Variants in SRFBP1 observed in about 807,000 individuals in gnomAD.
The protein encoded by SRFBP1 is serum response factor-binding protein 1.
Under a neutral mutation model 45.5 loss-of-function variants are expected in SRFBP1, and 47 were observed. The observed-to-expected ratio is 1.03, with a 90% CI of 0.82 to 1.32. The LOEUF is 1.32. SRFBP1 is among the 40% of genes most tolerant of loss of function. The probability of loss-of-function intolerance (pLI) is 0.00; values close to 1 mark genes in which losing one functional copy is unlikely to be tolerated. For missense variants in SRFBP1, 621 were observed against 484.6 expected (o/e 1.28, Z -2.64); for synonymous variants, 203 against 166.3 (o/e 1.22, Z -1.70).
At chr5:122,046,528 G>A (rs1437528115) in intron 2 of SRFBP1, among the ~76,000 whole-genome samples, 2 of 152,126 alleles carry the variant, frequency 1.3e-5, no homozygotes, top group East Asian at 3.9e-4. Context: ...TGTCTTTATA[G>A]CAGCATGATT....
At chr5:122,051,371 A>C (rs1234615295) in intron 2 of SRFBP1, among the ~76,000 whole-genome samples, 2 of 151,890 alleles carry the variant, frequency 1.3e-5, no homozygotes, top group Non-Finnish European at 2.9e-5. Context: ...GTCTCCCACT[A>C]CTATTGTTTG....
chr5:122,001,615 G>A (rs1347968662), intron 4 of SRFBP1, among the ~76,000 whole-genome samples: 1 of 131,510 alleles, frequency 7.6e-6, no homozygotes, highest in South Asian at 2.4e-4. Context: ...ACTGCGGATT[G>A]CAGTGGCGCA....
chr5:122,066,754 A>T, intron 2 of SRFBP1: 1 of 1,587,390 alleles, frequency 6.3e-7, no homozygotes, highest in Non-Finnish European at 8.6e-7. Flanking sequence ...TAATACCTAG[A>T]TTAAGAAGAC....
intron 2 of SRFBP1, among the ~76,000 whole-genome samples, chr5:122,042,525 T>TA (rs1753788244): frequency 6.6e-6 from 1 of 152,244 alleles, no homozygotes. Context: ...GTGCTGGAAT[T>TA]ACAGGCATGA....
At chr5:122,069,633 T>C (rs74821849) in intron 2 of SRFBP1, among the ~76,000 whole-genome samples, 1,708 of 152,244 alleles carry the variant, frequency 0.011, 19 homozygotes, top group Non-Finnish European at 0.018. Context: ...AACTCTTCAG[T>C]TGCTTACTTT....
Position 122,020,637 on chromosome 5 carries a change from A to G in SRFBP1, c.902A>G (p.His301Arg). 1 of 1,614,040 alleles carries G rather than the reference A, an allele frequency of 6.2e-7. No individual in the cohort carries two copies. The highest frequency in any genetic ancestry group is 8.5e-7 in the Non-Finnish European group (1 of 1,179,970). Reference sequence around the variant, plus strand: ...ACACGAAAGAAGGAAAGTAGTTGTCATTCTTCAGTTAAGGAACAAAAACCA... The same window carrying G: ...ACACGAAAGAAGGAAAGTAGTTGTCGTTCTTCAGTTAAGGAACAAAAACCA... ...RRTRKKESSC[H>R]SSVKEQKPLE... The change falls in exon 6 of 8, where the codon CAT becomes CGT. Residue 301 changes from histidine to arginine, a missense_variant. By Grantham distance (29) the His-to-Arg change is conservative (BLOSUM62 0). Transcript: ENST00000339397.
intron 2 of SRFBP1, among the ~76,000 whole-genome samples, chr5:122,052,572 T>A (rs1003569918): frequency 1.3e-5 from 2 of 152,240 alleles, no homozygotes; most frequent in African/African-American, 4.8e-5. Context: ...TATGCAATTC[T>A]TGCAGTGTGT....
intron 3 of SRFBP1, among the ~76,000 whole-genome samples, chr5:121,982,469 G>A (rs143251963): frequency 6.6e-6 from 1 of 151,882 alleles, no homozygotes; most frequent in Admixed American, 6.6e-5. Context: ...TTAATATATA[G>A]GAGTCATGAT....
At position 121,994,736 on chromosome 5, in the gene SRFBP1, T is replaced by C. The variant is rs541710299; in HGVS notation, c.270+66T>C. 3 of 1,099,444 alleles carry C rather than the reference T, an allele frequency of 2.7e-6. No individual in the cohort carries two copies. In the Admixed American group the frequency reaches 8.1e-5, roughly 30 times the overall value. The allele number at this position is 1,099,444 out of a possible 1,614,324, so 68.1% of individuals were successfully genotyped here. Reference sequence around the variant, plus strand: ...CTCATCTATATTGCTTACTTTTTTCTTGAAGAGAAAACTTACCAAGAAGTC... The same window carrying C: ...CTCATCTATATTGCTTACTTTTTTCCTGAAGAGAAAACTTACCAAGAAGTC... On this transcript the variant is annotated intron_variant, in intron 4 of 7. Coordinates refer to ENST00000339397, the MANE Select transcript of SRFBP1 (RefSeq NM_152546.3).
chr5:122,029,362 C>T (rs1238719748), downstream of SRFBP1, among the ~76,000 whole-genome samples: 1 of 152,146 alleles, frequency 6.6e-6, no homozygotes, highest in African/African-American at 2.4e-5. Flanking sequence ...GGTCAGAACA[C>T]AAACTATACC....
At chr5:122,058,188 C>G (rs1754115709) in intron 2 of SRFBP1, among the ~76,000 whole-genome samples, 1 of 152,142 alleles carries the variant, frequency 6.6e-6, no homozygotes, top group African/African-American at 2.4e-5. Context: ...TGGCAATGTT[C>G]AGTCTTCCTA....
intron 3 of SRFBP1, among the ~76,000 whole-genome samples, chr5:121,978,378 A>G (rs573750580): frequency 6.6e-6 from 1 of 152,326 alleles, no homozygotes; most frequent in African/African-American, 2.4e-5. Flanking sequence ...GGAGGAGATA[A>G]TTTAGTAAAC....
intron 3 of SRFBP1, among the ~76,000 whole-genome samples, chr5:121,984,858 T>G (rs1320022813): frequency 6.6e-6 from 1 of 151,838 alleles, no homozygotes; most frequent in Admixed American, 6.6e-5. Flanking sequence ...ATTGTGACTT[T>G]AGACCAGAAG....
intron 1 of SRFBP1, among the ~76,000 whole-genome samples, chr5:121,967,335 C>T (rs1469743737): frequency 2.6e-5 from 4 of 152,106 alleles, no homozygotes; most frequent in Non-Finnish European, 2.9e-5. Flanking sequence ...TAAATTAGGG[C>T]ATTTCCGTAA....
intron 3 of SRFBP1, among the ~76,000 whole-genome samples, chr5:121,987,398 T>C (rs1378851236): frequency 6.6e-6 from 1 of 152,176 alleles, no homozygotes; most frequent in Non-Finnish European, 1.5e-5. Context: ...AATATGATGA[T>C]AGAGTATAAC....
rs961662903 is a variant in SRFBP1, at chr5:122,070,351, G to A, written n.312-4964G>A. On this transcript the variant is annotated intron_variant and non_coding_transcript_variant, in intron 2 of 2. Coordinates refer to the SRFBP1 transcript ENST00000504881. ...CCCTGAAGTTCTTTAAAATAAGACA[G>A]ATTAGATTAGATTAGATTGTTTATA... 25 of 640,212 alleles carry A rather than the reference G, an allele frequency of 3.9e-5. No homozygotes were observed. The African/African-American group carries it at 4.2e-4, about 11-fold the overall frequency. 39.7% of individuals were successfully genotyped at this position (640,212 alleles called of 1,614,324 possible). A position where few individuals can be genotyped will look rare whatever the true frequency, so the allele number is the denominator to read the frequency against.
At position 122,026,907 on chromosome 5, in the gene SRFBP1, A is replaced by G. The variant is rs140504895; in HGVS notation, c.1106-35A>G. On this transcript the variant is annotated intron_variant, in intron 7 of 7. Coordinates refer to ENST00000339397, the MANE Select transcript of SRFBP1 (RefSeq NM_152546.3). ...TACTTCTCCTATATGCTCTTTAAGT[A>G]TATAGTTATTATTATTTTTGCTTTC... is the stretch of plus-strand genomic sequence containing the variant. 467 of 1,476,046 alleles carry G rather than the reference A, an allele frequency of 3.2e-4. 2 individuals are homozygous for G. The African/African-American group carries it at 6.0e-3, about 19-fold the overall frequency. The allele number at this position is 1,476,046 out of a possible 1,614,324, so 91.4% of individuals were successfully genotyped here.
At chr5:122,001,180 T>C (rs1003071014) in intron 4 of SRFBP1, among the ~76,000 whole-genome samples, 2 of 151,896 alleles carry the variant, frequency 1.3e-5, no homozygotes, top group African/African-American at 4.8e-5. Context: ...CTTTAAAATA[T>C]ACTATGATAA....
At chr5:122,040,660 G>C (rs1242765565) in intron 2 of SRFBP1, among the ~76,000 whole-genome samples, 1 of 152,146 alleles carries the variant, frequency 6.6e-6, no homozygotes, top group Non-Finnish European at 1.5e-5. Flanking sequence ...GTGTGAATTA[G>C]TTGATATCGT....
Sources: allele counts gnomAD v4.1 joint callset (sites outside exome capture counted in the v4.1 genomes callset), GRCh38; gene constraint gnomAD v4.1.1; transcripts MANE v1.5; gene names NCBI Gene and HGNC (gene_info 2026-07-23, HGNC 2026-07-21).